VWF: variants seen among roughly 807,000 people sequenced by gnomAD.
The protein encoded by VWF is Factor VIII related antigen.
VWF carries 176 observed loss-of-function variants against 308.6 expected under a neutral mutation model. The observed-to-expected ratio is 0.57, with a 90% CI of 0.50 to 0.65. The LOEUF (loss-of-function observed/expected upper bound fraction) is 0.65, where lower values mean the gene tolerates loss of function less well. Ranked by LOEUF, VWF falls within the 30% of genes least tolerant of loss-of-function variation. The pLI is 0.00. For synonymous variants in VWF, 1,385 were observed against 1,443.4 expected, an observed-to-expected ratio of 0.96 and a Z score of 0.92; for missense variants, 3,146 against 3,648.2, an observed-to-expected ratio of 0.86 and a Z score of 3.55.
At chr12:6,087,397 C>T (rs1378466885) in intron 6 of VWF, among the ~76,000 whole-genome samples, 2 of 137,646 alleles carry the variant, frequency 1.5e-5, no homozygotes, top group Admixed American at 7.8e-5. Context: ...CTCACCCTGT[C>T]GCCCAGGCTG....
intron 3 of VWF, among the ~76,000 whole-genome samples, chr12:6,112,650 T>C (rs536365523): frequency 3.3e-5 from 5 of 152,114 alleles, no homozygotes; most frequent in Non-Finnish European, 7.4e-5. Flanking sequence ...GAGGCTAAGA[T>C]GTCCGTGGAA....
At chr12:6,043,622 G>T (rs781634948) in intron 18 of VWF, among the ~76,000 whole-genome samples, 1 of 152,252 alleles carries the variant, frequency 6.6e-6, no homozygotes, top group Non-Finnish European at 1.5e-5. Flanking sequence ...GGAGGAGTAG[G>T]CATGCTCAGA....
intron 6 of VWF, among the ~76,000 whole-genome samples, chr12:6,081,367 G>C (rs1238186611): frequency 6.6e-6 from 1 of 151,952 alleles, no homozygotes; most frequent in Non-Finnish European, 1.5e-5. Flanking sequence ...TTGAGACAGA[G>C]TCTCGCTCTG....
At position 6,092,630 on chromosome 12, in the gene VWF, T is replaced by TGA. The variant is rs1219001307; in HGVS notation, c.657+2829_657+2830insTC. On this transcript the variant is annotated intron_variant, in intron 6 of 51. Coordinates refer to ENST00000261405, the MANE Select transcript of VWF (RefSeq NM_000552.5). ...GTGAGTGAGTGAGAGTGTGTGTGTG[T>TGA]GTGTGTGTGTGTGTGTGTGTGTGTG... is the stretch of plus-strand genomic sequence containing the variant. Among the ~76,000 whole-genome samples, 36 of 72,946 alleles carry TGA rather than the reference T, an allele frequency of 4.9e-4. 1 individual carries two copies. Among genetic ancestry groups the TGA allele is most frequent in the African/African-American group, 2.0e-3 (24 of 12,254 alleles). The allele number at this position is 72,946 out of a possible 152,430, so 47.9% of individuals were successfully genotyped here.
intron 6 of VWF, 136 bp downstream of exon 6, chr12:6,095,324 C>T: frequency 7.3e-7 from 1 of 1,373,578 alleles, no homozygotes; most frequent in Non-Finnish European, 1.0e-6. Flanking sequence ...ACTCTAGCCA[C>T]AGTTAGTTTT....
chr12:5,996,199 G>A lies in VWF; in HGVS notation c.5866C>T (p.Arg1956Trp), dbSNP rs751433166. The A allele has an allele frequency of 1.2e-5, 20 of 1,613,038 alleles. No homozygotes were observed. The highest frequency in any genetic ancestry group is 1.7e-4 in the Middle Eastern group (1 of 5,914). The change falls in exon 35 of 52, where the codon CGG becomes TGG. Residue 1956 changes from arginine (R) to tryptophan (W), a missense_variant. Physicochemically the swap from Arg to Trp is moderately radical, Grantham distance 101 (BLOSUM62 -3). Around this residue, in one of 3 missense-constraint regions of VWF, gnomAD observed 989 missense variants for 1,117.4 expected, o/e 0.89. Transcript: ENST00000261405. Reference sequence around the variant, plus strand: ...TGCCCATCAAAGGTCACGATGTGCCGAGTGGAGCTGCCTGTGCACACGCCT... The same window carrying A: ...TGCCCATCAAAGGTCACGATGTGCCAAGTGGAGCTGCCTGTGCACACGCCT... ...CPCVCTGSST[R>W]HIVTFDGQNF...
Position 6,075,425 on chromosome 12 carries a change from C to G in VWF, c.784G>C (p.Glu262Gln). 3.7e-6 allele frequency: 6 copies of G among 1,614,186 alleles called. No individual in the cohort carries two copies. The highest frequency in any genetic ancestry group is 5.1e-6 in the Non-Finnish European group (6 of 1,180,026). ...TCCAGGAGGGCAGGGCAGGCGCACT[C>G]CAGCCCCCCAGCACACTCACACAAA... ...KTLCECAGGL[E>Q]CACPALLEYA... Residue 262 changes from glutamate to glutamine, a missense_variant, in exon 7 of 52, where the codon GAG becomes CAG. Physicochemically the swap from Glu to Gln is conservative, Grantham distance 29 (BLOSUM62 2). This residue lies in a region of VWF where 1,304 missense variants were observed against 1,353.0 expected (regional missense o/e 0.96). Coordinates refer to ENST00000261405, the MANE Select transcript of VWF (RefSeq NM_000552.5). The surrounding 1 kb of genome is among the most constrained non-coding windows in gnomAD (Gnocchi z 4.7).
At chr12:6,097,709 CACCG>C (rs1945119747) in intron 5 of VWF, among the ~76,000 whole-genome samples, 1 of 152,110 alleles carries the variant, frequency 6.6e-6, no homozygotes, top group African/African-American at 2.4e-5. Flanking sequence ...TGTTTCAAGC[CACCG>C]AGTTTGTGGT....
intron 8 of VWF, 44 bp from the exon 9 acceptor site, chr12:6,072,486 G>T: frequency 6.8e-7 from 1 of 1,479,118 alleles, no homozygotes; most frequent in Non-Finnish European, 9.4e-7. Flanking sequence ...CATTGTCATT[G>T]CGTCACTCAT....
rs561575789 is a variant in VWF at position 5,984,022 on chromosome 12, A to G, written c.6977-768T>C. Among the ~76,000 whole-genome samples the G allele has an allele frequency of 1.3e-4, 8 of 61,212 alleles. No individual in the cohort carries two copies. In the South Asian group the frequency reaches 2.6e-3, roughly 20 times the overall value. 40.2% of individuals were successfully genotyped at this position (61,212 alleles called of 152,430 possible). ...TAGATAGATAGATAGATAGATAGAC[A>G]GACAGACAGACAGACAGATAGATCA... On this transcript the variant is annotated intron_variant, in intron 40 of 51. Transcript: ENST00000261405.
intron 5 of VWF, among the ~76,000 whole-genome samples, chr12:6,097,148 T>C (rs1390227558): frequency 1.3e-5 from 2 of 152,088 alleles, no homozygotes; most frequent in Non-Finnish European, 2.9e-5. Flanking sequence ...TTATAAGAGA[T>C]GGGTAGAGGC....
rs1191022389 is a variant in VWF, at chr12:6,046,596, G to A, written c.2281+127C>T. On this transcript the variant is annotated intron_variant, in intron 17 of 51. Coordinates refer to ENST00000261405, the MANE Select transcript of VWF (RefSeq NM_000552.5). The surrounding 1 kb of genome is among the most constrained non-coding windows in gnomAD (Gnocchi z 5.0). ...CCCAGAAATGAAGGCGATCCTGGGC[G>A]AAGCCAGACCCATGCCTGGGTGCAC... The A allele has an allele frequency of 4.2e-6, 4 of 954,440 alleles. No individual in the cohort carries two copies. Among genetic ancestry groups the A allele is most frequent in the South Asian group, 2.7e-5 (2 of 72,952 alleles). The allele number at this position is 954,440 out of a possible 1,614,324, so 59.1% of individuals were successfully genotyped here.
Position 6,026,387 on chromosome 12 carries a change from T to C in VWF, c.2968-341A>G, listed in dbSNP as rs562889172. 7.1e-4 allele frequency among the ~76,000 whole-genome samples: 108 copies of C among 152,098 alleles called. 2 individuals are homozygous for C. Among genetic ancestry groups the C allele is most frequent in the Non-Finnish European group, 1.0e-4 (7 of 67,984 alleles). On this transcript the variant is annotated intron_variant, in intron 22 of 51. Coordinates refer to ENST00000261405, the MANE Select transcript of VWF (RefSeq NM_000552.5). ...GAACTATCACTGTCCCCAACAAGCATAGAAGCAGAGAGAGGAGCCAGGTAC... is the reference window on the plus strand; with the variant it reads ...GAACTATCACTGTCCCCAACAAGCACAGAAGCAGAGAGAGGAGCCAGGTAC...
intron 3 of VWF, among the ~76,000 whole-genome samples, chr12:6,115,497 A>G (rs951099729): frequency 1.3e-5 from 2 of 152,172 alleles, no homozygotes; most frequent in South Asian, 4.1e-4. Flanking sequence ...CACACGTTTC[A>G]TATCATATTT....
rs1943143764 is a variant in VWF at position 5,948,920 on chromosome 12, G to A, written c.*95C>T. 2.2e-6 allele frequency: 3 copies of A among 1,394,390 alleles called. No individual in the cohort carries two copies. The African/African-American group carries it at 4.3e-5, about 20-fold the overall frequency. The allele number at this position is 1,394,390 out of a possible 1,614,324, so 86.4% of individuals were successfully genotyped here. ...CAGCCTTTATTGTGGGCTCAGAAGG[G>A]CACAAGAGCAGAACATGCAGAGGAC... On this transcript the variant is annotated 3_prime_UTR_variant, in exon 52 of 52. Coordinates refer to ENST00000261405, the MANE Select transcript of VWF (RefSeq NM_000552.5). The surrounding 1 kb of genome is among the most constrained non-coding windows in gnomAD (Gnocchi z 4.4).
chr12:6,072,833 G>T (rs1459406547), intron 8 of VWF, among the ~76,000 whole-genome samples: 1 of 151,592 alleles, frequency 6.6e-6, no homozygotes, highest in African/African-American at 2.4e-5. Context: ...CAGTAGAGAA[G>T]TCATGAGTTG....
intron 20 of VWF, 132 bp downstream of exon 20, chr12:6,034,556 G>T: frequency 7.2e-7 from 1 of 1,388,050 alleles, no homozygotes; most frequent in East Asian, 2.4e-5. Flanking sequence ...GTGAAGGACT[G>T]GGAAGTACTC....
chr12:6,064,190 G>C lies in VWF; in HGVS notation c.1432+56C>G, dbSNP rs948928429. ...ACAGTGGCCAGGGTTGAGAAGGAGG[G>C]TGCTAAGGGATGGGCTGTGCCAGCC... is the stretch of plus-strand genomic sequence containing the variant. On this transcript the variant is annotated intron_variant, in intron 12 of 51. Transcript: ENST00000261405. 8 of 1,613,360 alleles carry C rather than the reference G, an allele frequency of 5.0e-6. No individual in the cohort carries two copies. In the African/African-American group the frequency reaches 1.1e-4, roughly 22 times the overall value.
At chr12:6,116,819 T>C (rs1238230031) in intron 3 of VWF, among the ~76,000 whole-genome samples, 1 of 152,120 alleles carries the variant, frequency 6.6e-6, no homozygotes, top group African/African-American at 2.4e-5. Context: ...TCCCAGGATA[T>C]GAATAAGGTC....
Sources: allele counts gnomAD v4.1 joint callset (sites outside exome capture counted in the v4.1 genomes callset), GRCh38; gene constraint gnomAD v4.1.1; regional missense constraint gnomAD v4.1.1; non-coding constraint Gnocchi (gnomAD v3.1); transcripts MANE v1.5; gene names NCBI Gene and HGNC (gene_info 2026-07-23, HGNC 2026-07-21).